ATAD2: variants seen among roughly 807,000 people sequenced by gnomAD.
ATAD2 encodes the protein ATPase family AAA domain-containing protein 2.
In ATAD2, 62 loss-of-function variants were observed where a neutral mutation model predicts 168.9. The observed-to-expected ratio is 0.37, with a 90% CI of 0.30 to 0.45. The LOEUF is 0.45. Among genes scored for constraint, ATAD2 ranks in the 20% least tolerant of loss-of-function variants. The probability of loss-of-function intolerance (pLI) is 1.00; values close to 1 mark genes in which losing one functional copy is unlikely to be tolerated. For missense variants in ATAD2, 1,419 were observed against 1,667.8 expected (o/e 0.85, Z 2.60); for synonymous variants, 613 against 571.6 (o/e 1.07, Z -1.03).
At chr8:123,394,099 G>GAA (rs970664136) in intron 1 of ATAD2, among the ~76,000 whole-genome samples, 1 of 140,888 alleles carries the variant, frequency 7.1e-6, no homozygotes, top group African/African-American at 2.6e-5. Flanking sequence ...CTGAGGAACT[G>GAA]AAAAAAAAAA....
intron 17 of ATAD2, 60 bp downstream of exon 17, chr8:123,346,558 C>A: frequency 7.2e-7 from 1 of 1,394,942 alleles, no homozygotes; most frequent in Admixed American, 2.7e-5. Context: ...TCAACCACAT[C>A]TCATTTATTT....
chr8:123,397,678 G>A (rs1563870040), upstream of ATAD2, among the ~76,000 whole-genome samples: 1 of 152,208 alleles, frequency 6.6e-6, no homozygotes, highest in South Asian at 2.1e-4. Context: ...AAGCACTGGG[G>A]ATGCAGCAGT....
Position 123,383,538 on chromosome 8 carries a change from G to A in ATAD2, c.172-2861C>T, listed in dbSNP as rs549779806. Among the ~76,000 whole-genome samples, 13 of 152,228 alleles carry A rather than the reference G, an allele frequency of 8.5e-5. No individual in the cohort carries two copies. In the East Asian group the frequency reaches 1.2e-3, roughly 14 times the overall value. The stretch of plus-strand genomic sequence containing the variant: ...TGTAATCCCAGGACTTTGGGAGGCC[G>A]AGGCTGGCGGATCACCTGAGATTGG... On this transcript the variant is annotated intron_variant, in intron 1 of 27. Transcript: ENST00000287394.
intron 13 of ATAD2, 22 bp downstream of exon 13, chr8:123,356,367 A>C (rs758403243): frequency 3.8e-6 from 6 of 1,577,368 alleles, no homozygotes; most frequent in Non-Finnish European, 5.2e-6. Flanking sequence ...GAAACGTTGA[A>C]GTGCCATCAA....
At chr8:123,371,029 C>A (rs1563855579) in intron 5 of ATAD2, 39 bp from the exon 6 acceptor site, 1 of 1,437,196 alleles carries the variant, frequency 7.0e-7, no homozygotes. Flanking sequence ...CATTTGGAAT[C>A]TATTTATTAA....
In ATAD2 at chr8:123,339,380, G is replaced by A. The variant is rs755236819; in HGVS notation, c.2785C>T (p.Arg929Trp). The A allele has an allele frequency of 1.2e-6, 2 of 1,601,370 alleles. No homozygotes were observed. The highest frequency in any genetic ancestry group is 1.7e-6 in the Non-Finnish European group (2 of 1,172,914). The change falls in exon 20 of 28, where the codon CGG becomes TGG. Residue 929 changes from arginine (R) to tryptophan (W), a missense_variant. Coordinates refer to ENST00000287394, the MANE Select transcript of ATAD2 (RefSeq NM_014109.4). Reference sequence around the variant, plus strand: ...ATTAAATCTTCAAAAAATTTTGTCCGTTCTTCTTTATCCGGTAACTGGACA... The same window carrying A: ...ATTAAATCTTCAAAAAATTTTGTCCATTCTTCTTTATCCGGTAACTGGACA... ...FNVQLPDKEE[R>W]TKFFEDLILK...
At chr8:123,331,432 G>T (rs1040757457) in intron 24 of ATAD2, among the ~76,000 whole-genome samples, 3 of 151,746 alleles carry the variant, frequency 2.0e-5, no homozygotes, top group Non-Finnish European at 4.4e-5. Flanking sequence ...TAGAGACGGG[G>T]TTTCACTGTG....
intron 8 of ATAD2, among the ~76,000 whole-genome samples, chr8:123,367,758 G>C (rs890314534): frequency 1.3e-5 from 2 of 152,250 alleles, no homozygotes; most frequent in African/African-American, 4.8e-5. Context: ...ATGTGAAATA[G>C]GATGATGAAA....
chr8:123,331,204 G>A (rs1263251315), intron 24 of ATAD2, among the ~76,000 whole-genome samples: 2 of 152,042 alleles, frequency 1.3e-5, no homozygotes, highest in South Asian at 4.1e-4. Context: ...ACCTCCCAAA[G>A]TGTTGGGATT....
chr8:123,360,771 C>A (rs1278666364), intron 9 of ATAD2, among the ~76,000 whole-genome samples: 2 of 151,930 alleles, frequency 1.3e-5, no homozygotes, highest in Non-Finnish European at 2.9e-5. Flanking sequence ...CTTACTCAAC[C>A]AGATCTGTAA....
rs182938154 is a variant in ATAD2 at position 123,393,309 on chromosome 8, G to A, written c.171+2878C>T. Reference sequence around the variant, plus strand: ...AAGGATTGCTTGAGTCCAGGAGTTCGAGACCAGCCTGAGCAACATAGTGAG... The same window carrying A: ...AAGGATTGCTTGAGTCCAGGAGTTCAAGACCAGCCTGAGCAACATAGTGAG... On this transcript the variant is annotated intron_variant, in intron 1 of 27. Transcript: ENST00000287394. 9.9e-5 allele frequency among the ~76,000 whole-genome samples: 15 copies of A among 152,086 alleles called. No individual in the cohort carries two copies. The South Asian group carries it at 2.5e-3, about 25-fold the overall frequency.
intron 1 of ATAD2, among the ~76,000 whole-genome samples, chr8:123,405,260 C>CTTTCT (rs1554648999): frequency 2.1e-5 from 3 of 143,220 alleles, no homozygotes; most frequent in Non-Finnish European, 4.5e-5. Context: ...TTCTTTCTTT[C>CTTTCT]TTTTTTTTTT....
chr8:123,358,919 G>C (rs1431868894), intron 11 of ATAD2, among the ~76,000 whole-genome samples: 2 of 150,062 alleles, frequency 1.3e-5, no homozygotes, highest in Non-Finnish European at 3.0e-5. Flanking sequence ...GCCCAGGCTG[G>C]TCTCAAACTC....
intron 17 of ATAD2, 27 bp from the exon 18 acceptor site, chr8:123,346,299 T>G (rs372409088): frequency 1.9e-5 from 29 of 1,528,096 alleles, no homozygotes; most frequent in Non-Finnish European, 2.4e-5. Flanking sequence ...TAATAAGCTA[T>G]GTTTTAGAAA....
At chr8:123,382,987 C>A (rs1829533827) in intron 1 of ATAD2, among the ~76,000 whole-genome samples, 1 of 152,188 alleles carries the variant, frequency 6.6e-6, no homozygotes, top group Admixed American at 6.5e-5. Context: ...AAATGTGGCA[C>A]ATATATACCA....
At chr8:123,337,984 C>T (rs537403436) in intron 20 of ATAD2, among the ~76,000 whole-genome samples, 163 bp from the exon 21 acceptor site, 32 of 152,318 alleles carry the variant, frequency 2.1e-4, no homozygotes, top group Admixed American at 1.6e-3. Flanking sequence ...TCTAACCCTA[C>T]GTCCCCTCCA....
At position 123,328,185 on chromosome 8, in the gene ATAD2, C is replaced by T. The variant is rs368107495; in HGVS notation, c.3868+5G>A. On this transcript the variant is annotated splice_donor_5th_base_variant and intron_variant, in intron 25 of 27. Transcript: ENST00000287394. The stretch of plus-strand genomic sequence containing the variant: ...AGTAAATTATTTTAATTGAAAAAGA[C>T]GTACCTTTTCCTTCATTTTCATCAG... The T allele has an allele frequency of 4.2e-5, 57 of 1,365,126 alleles. No individual in the cohort carries two copies. In the African/African-American group the frequency reaches 5.7e-4, roughly 14 times the overall value. The allele number at this position is 1,365,126 out of a possible 1,614,324, so 84.6% of individuals were successfully genotyped here.
At chr8:123,351,320 A>G (rs1319508850) in intron 13 of ATAD2, among the ~76,000 whole-genome samples, 1 of 152,122 alleles carries the variant, frequency 6.6e-6, no homozygotes, top group East Asian at 1.9e-4. Flanking sequence ...TTTGGGCCAG[A>G]TAATTATTTG....
chr8:123,413,232 C>G lies in ATAD2; in HGVS notation c.-2282+3016G>C, dbSNP rs565270113. On this transcript the variant is annotated intron_variant, in intron 1 of 28. Coordinates refer to the ATAD2 transcript ENST00000521903. ...CCCTGGCTCTAATGAGCGCCCCCCC[C>G]CCCCCAACTCCTCCCTGCTTCCTCA... Among the ~76,000 whole-genome samples the G allele has an allele frequency of 1.9e-4, 28 of 150,180 alleles. 1 individual carries two copies. The South Asian group carries it at 2.1e-3, about 12-fold the overall frequency.
Sources: gnomAD v4.1 joint callset for allele counts (sites outside exome capture counted in the v4.1 genomes callset) on GRCh38, gnomAD v4.1.1 for gene constraint, MANE v1.5 for transcripts, NCBI Gene and HGNC (gene_info 2026-07-23, HGNC 2026-07-21) for gene names.